The following RIN2 variants were observed in gnomAD, a reference collection of about 807,000 sequenced individuals.
RIN2 encodes RAB5 interacting protein 2.
A neutral mutation model predicts 78.0 loss-of-function variants in RIN2; 36 were observed. The observed-to-expected ratio is 0.46, with a 90% confidence interval of 0.35 to 0.61. The LOEUF is 0.61. Among genes scored for constraint, RIN2 ranks in the 20% least tolerant of loss-of-function variants. The pLI, the probability that RIN2 is intolerant of heterozygous loss-of-function variation, is 0.00. For synonymous variants in RIN2, 466 were observed against 466.8 expected (o/e 1.00, Z 0.02); for missense variants, 1,087 against 1,159.7 (o/e 0.94, Z 0.91).
At chr20:19,916,984 T>A (rs957771473) in intron 3 of RIN2, among the ~76,000 whole-genome samples, 1 of 152,010 alleles carries the variant, frequency 6.6e-6, no homozygotes, top group African/African-American at 2.4e-5. Flanking sequence ...AAAGTACAAC[T>A]CAGAGTTTAC....
chr20:19,914,373 C>G (rs1430050591), intron 3 of RIN2, among the ~76,000 whole-genome samples: 2 of 152,128 alleles, frequency 1.3e-5, no homozygotes, highest in Non-Finnish European at 2.9e-5. Context: ...ACCAAATTTG[C>G]CTGTCTGCAC....
At chr20:19,886,189 A>G (rs1414257715) in intron 2 of RIN2, among the ~76,000 whole-genome samples, 1 of 152,256 alleles carries the variant, frequency 6.6e-6, no homozygotes, top group Non-Finnish European at 1.5e-5. Flanking sequence ...TTTCAACCCC[A>G]GTCAGCCAGC....
chr20:19,884,297 C>T (rs921844783), intron 2 of RIN2, among the ~76,000 whole-genome samples: 1 of 152,006 alleles, frequency 6.6e-6, no homozygotes, highest in Non-Finnish European at 1.5e-5. Flanking sequence ...TGGTAGCACA[C>T]ACTGGTAGTC....
intron 2 of RIN2, among the ~76,000 whole-genome samples, chr20:19,819,053 T>G (rs1299936708): frequency 6.6e-6 from 1 of 152,252 alleles, no homozygotes; most frequent in African/African-American, 2.4e-5. Flanking sequence ...GGCATACATA[T>G]AGGGTCCGGA....
chr20:19,818,158 T>C (rs6112591), intron 2 of RIN2, among the ~76,000 whole-genome samples: 43,766 of 152,120 alleles, frequency 0.29, 6,754 homozygotes, highest in African/African-American at 0.41. Flanking sequence ...CTAAACATAT[T>C]TAACATAGAA....
At chr20:19,856,406 G>A (rs1298431375) in intron 2 of RIN2, among the ~76,000 whole-genome samples, 1 of 151,946 alleles carries the variant, frequency 6.6e-6, no homozygotes, top group Non-Finnish European at 1.5e-5. Context: ...GGTGACATTT[G>A]CCTGTAGTCC....
At position 19,993,668 on chromosome 20, in the gene RIN2, T is replaced by C. The variant is rs138114952; in HGVS notation, c.2200+1369T>C. Among the ~76,000 whole-genome samples the C allele has an allele frequency of 8.9e-4, 136 of 152,232 alleles. 1 individual carries two copies. Among genetic ancestry groups the C allele is most frequent in the African/African-American group, 3.1e-3 (127 of 41,544 alleles). On this transcript the variant is annotated intron_variant, in intron 11 of 12. Transcript: ENST00000255006. ...AACCATGGAACCAGACACTCCCCGA[T>C]GAGCCTCCAAGGCCCTCCCTGGAGC...
intron 3 of RIN2, among the ~76,000 whole-genome samples, chr20:19,908,664 C>T (rs189431742): frequency 6.6e-6 from 1 of 152,270 alleles, no homozygotes; most frequent in African/African-American, 2.4e-5. Flanking sequence ...TTTACTAAGA[C>T]TTCGAGTTTC....
At chr20:19,942,118 A>AAAAAAAAG (rs61328325) in intron 4 of RIN2, among the ~76,000 whole-genome samples, 5 of 143,000 alleles carry the variant, frequency 3.5e-5, no homozygotes, top group Non-Finnish European at 4.5e-5. Flanking sequence ...TCAAAAAAAA[A>AAAAAAAAG]AAAAGAAAGA....
chr20:19,985,850 C>T (rs1164303627), intron 9 of RIN2, among the ~76,000 whole-genome samples: 1 of 152,122 alleles, frequency 6.6e-6, no homozygotes, highest in Admixed American at 6.6e-5. Flanking sequence ...ACTCAGGAAA[C>T]ATTTTATGAG....
At chr20:19,861,189 C>A (rs1347182253) in intron 2 of RIN2, among the ~76,000 whole-genome samples, 1 of 152,168 alleles carries the variant, frequency 6.6e-6, no homozygotes, top group Admixed American at 6.6e-5. Flanking sequence ...CCTTCTTGAT[C>A]CTGTCCACCT....
chr20:19,890,347 T>C (rs1050101042), intron 3 of RIN2, among the ~76,000 whole-genome samples: 1 of 152,162 alleles, frequency 6.6e-6, no homozygotes, highest in African/African-American at 2.4e-5. Flanking sequence ...TGGGAATCAA[T>C]TCCCCTCTTG....
chr20:19,963,325 G>A (rs1057041555), intron 6 of RIN2, among the ~76,000 whole-genome samples: 16 of 152,054 alleles, frequency 1.1e-4, no homozygotes, highest in African/African-American at 1.7e-4. Context: ...ACAAAAAAGC[G>A]AAGAAGCAGC....
At position 19,975,797 on chromosome 20, in the gene RIN2, C is replaced by A; in HGVS notation, c.1762+10C>A. The A allele has an allele frequency of 6.3e-7, 1 of 1,592,568 alleles. No homozygotes were observed. The highest frequency in any genetic ancestry group is 2.3e-5 in the East Asian group (1 of 43,620). ...CCTGAAGACCAAATAGGTAAGTACCCTCTTTTTTAAAATATAAAATCTATT... is the reference window on the plus strand; with the variant it reads ...CCTGAAGACCAAATAGGTAAGTACCATCTTTTTTAAAATATAAAATCTATT... On this transcript the variant is annotated intron_variant, in intron 9 of 12. Transcript: ENST00000255006. The surrounding 1 kb of genome is among the most constrained non-coding windows in gnomAD (Gnocchi z 4.9).
chr20:19,915,351 C>G (rs2039641946), intron 3 of RIN2, among the ~76,000 whole-genome samples: 1 of 152,130 alleles, frequency 6.6e-6, no homozygotes, highest in Non-Finnish European at 1.5e-5. Context: ...CACTGCCATC[C>G]CTCCTTGGCT....
chr20:19,975,812 T>C lies in RIN2; in HGVS notation c.1762+25T>C, dbSNP rs994739985. 1.3e-6 allele frequency: 2 copies of C among 1,565,452 alleles called. No individual in the cohort carries two copies. Among genetic ancestry groups the C allele is most frequent in the African/African-American group, 1.4e-5 (1 of 73,386 alleles). On this transcript the variant is annotated intron_variant, in intron 9 of 12. Transcript: ENST00000255006. This position sits in a 1 kb window ranked among gnomAD's most constrained non-coding sequence, Gnocchi z 4.9. ...GGTAAGTACCCTCTTTTTTAAAATATAAAATCTATTGTAACTCTGTCCGGG... is the reference window on the plus strand; with the variant it reads ...GGTAAGTACCCTCTTTTTTAAAATACAAAATCTATTGTAACTCTGTCCGGG...
Position 19,866,833 on chromosome 20 carries a change from C to G in RIN2, c.-36-22733C>G, listed in dbSNP as rs1030208564. Among the ~76,000 whole-genome samples, 55 of 152,136 alleles carry G rather than the reference C, an allele frequency of 3.6e-4. 1 individual carries two copies. Among genetic ancestry groups the G allele is most frequent in the Admixed American group, 3.5e-3 (53 of 15,272 alleles). The stretch of plus-strand genomic sequence containing the variant: ...AGAGATGGGGTTTCACTATGTTGAC[C>G]AGGCTGATCTCGATCTCCTGACCTC... On this transcript the variant is annotated intron_variant, in intron 2 of 12. Coordinates refer to ENST00000255006, the MANE Select transcript of RIN2 (RefSeq NM_018993.4).
In RIN2 at chr20:19,997,509, A is replaced by G. The variant is rs2043007777; in HGVS notation, c.2364+667A>G. Among the ~76,000 whole-genome samples the G allele has an allele frequency of 2.0e-5, 3 of 152,326 alleles. No homozygotes were observed. In the South Asian group the frequency reaches 6.2e-4, roughly 32 times the overall value. Reference sequence around the variant, plus strand: ...CATCAGGGCTCACGCCTGTAATCCCAGCACTTTGGGAGGCCAAGGTGGGCA... The same window carrying G: ...CATCAGGGCTCACGCCTGTAATCCCGGCACTTTGGGAGGCCAAGGTGGGCA... On this transcript the variant is annotated intron_variant, in intron 12 of 12. Coordinates refer to ENST00000255006, the MANE Select transcript of RIN2 (RefSeq NM_018993.4).
intron 2 of RIN2, among the ~76,000 whole-genome samples, chr20:19,830,406 G>A (rs2036217125): frequency 6.6e-6 from 1 of 152,100 alleles, no homozygotes; most frequent in South Asian, 2.1e-4. Flanking sequence ...GCAGTTTGGT[G>A]AAGACCCCCT....
Sources: gnomAD v4.1 joint callset for allele counts (sites outside exome capture counted in the v4.1 genomes callset) on GRCh38, gnomAD v4.1.1 for gene constraint, Gnocchi (gnomAD v3.1) non-coding constraint, MANE v1.5 for transcripts, NCBI Gene and HGNC (gene_info 2026-07-23, HGNC 2026-07-21) for gene names.